The following FGD6 variants were observed in gnomAD, a reference collection of about 807,000 sequenced individuals.
The protein encoded by FGD6 is FYVE, RhoGEF and PH domain containing 6.
Under a neutral mutation model 149.4 loss-of-function variants are expected in FGD6, and 90 were observed. The observed-to-expected ratio is 0.60, with a 90% CI of 0.51 to 0.72. The LOEUF (loss-of-function observed/expected upper bound fraction) is 0.72. Ranked by LOEUF, FGD6 falls within the 30% of genes least tolerant of loss-of-function variation. The probability of loss-of-function intolerance (pLI) is 0.00; values close to 1 mark genes in which losing one functional copy is unlikely to be tolerated. For synonymous variants in FGD6, 527 were observed against 584.0 expected, an observed-to-expected ratio of 0.90 and a Z score of 1.41; for missense variants, 1,437 against 1,684.8, an observed-to-expected ratio of 0.85 and a Z score of 2.57.
chr12:95,113,274 C>G (rs1242326868), intron 9 of FGD6, among the ~76,000 whole-genome samples: 3 of 150,540 alleles, frequency 2.0e-5, no homozygotes, highest in African/African-American at 7.4e-5. Context: ...GCTCTGTCGC[C>G]CAGGCTGGAG....
intron 8 of FGD6, among the ~76,000 whole-genome samples, chr12:95,118,348 CAA>C (rs758125277): frequency 1.1e-4 from 13 of 122,248 alleles, no homozygotes; most frequent in Non-Finnish European, 1.2e-4. Context: ...GACTCTGTCT[CAA>C]AAAAAAAAAA....
chr12:95,198,847 G>A lies in FGD6; in HGVS notation c.2441+9996C>T, dbSNP rs529972753. ...GAGGTGGAGTAAAAACTGGATTGAT[G>A]GGGAGTCAGTTTGGGGGAAGAAAGT... On this transcript the variant is annotated intron_variant, in intron 2 of 20. Coordinates refer to ENST00000343958, the MANE Select transcript of FGD6 (RefSeq NM_018351.4). Among the ~76,000 whole-genome samples the A allele has an allele frequency of 7.9e-5, 12 of 152,292 alleles. No homozygotes were observed. The South Asian group carries it at 2.1e-3, about 26-fold the overall frequency.
intron 3 of FGD6, among the ~76,000 whole-genome samples, chr12:95,154,504 G>C (rs1484935764): frequency 1.3e-5 from 2 of 152,124 alleles, no homozygotes; most frequent in Non-Finnish European, 2.9e-5. Flanking sequence ...GAACACTACA[G>C]TTCCACAGTA....
rs188379747 is a variant in FGD6 at position 95,167,776 on chromosome 12, T to C, written c.2586+4824A>G. On this transcript the variant is annotated intron_variant, in intron 3 of 20. Coordinates refer to ENST00000343958, the MANE Select transcript of FGD6 (RefSeq NM_018351.4). Reference sequence around the variant, plus strand: ...TTTTAGTAGAGATGGGATTTCACCATGTTGGCCAGACTGGTATCGAACTCC... The same window carrying C: ...TTTTAGTAGAGATGGGATTTCACCACGTTGGCCAGACTGGTATCGAACTCC... Among the ~76,000 whole-genome samples, 458 of 152,168 alleles carry C rather than the reference T, an allele frequency of 3.0e-3. 2 individuals are homozygous for C. Among genetic ancestry groups the C allele is most frequent in the African/African-American group, 0.01 (427 of 41,510 alleles).
intron 13 of FGD6, 30 bp downstream of exon 13, chr12:95,106,902 CAAAACAAAACAAAACAAAACAA>C: frequency 1.5e-6 from 2 of 1,290,568 alleles, no homozygotes; most frequent in African/African-American, 3.0e-5. Context: ...TCAAACAAAA[CAAAACAAAACAAAACAAAACAA>C]AAAACAAAAC....
At chr12:95,176,138 T>G (rs1231454188) in intron 2 of FGD6, among the ~76,000 whole-genome samples, 1 of 152,214 alleles carries the variant, frequency 6.6e-6, no homozygotes, top group African/African-American at 2.4e-5. Context: ...GGTCTTGCTG[T>G]GTTGCCCAGG....
intron 8 of FGD6, among the ~76,000 whole-genome samples, chr12:95,123,472 A>G (rs1879250080): frequency 6.6e-6 from 1 of 152,104 alleles, no homozygotes; most frequent in Admixed American, 6.6e-5. Flanking sequence ...CTCATGATAG[A>G]TGGTATCTCC....
chr12:95,112,079 T>A (rs1457787172), intron 9 of FGD6, among the ~76,000 whole-genome samples: 1 of 148,880 alleles, frequency 6.7e-6, no homozygotes, highest in Non-Finnish European at 1.5e-5. Context: ...ACAAAAAATA[T>A]AAAAATTAGC....
chr12:95,089,774 G>C, intron 17 of FGD6, 78 bp from the exon 18 acceptor site: 1 of 1,545,770 alleles, frequency 6.5e-7, no homozygotes. Context: ...CATAAACACT[G>C]TTGCATAAAA....
At position 95,094,506 on chromosome 12, in the gene FGD6, A is replaced by C. The variant is rs1366363879; in HGVS notation, c.3600+86T>G. 7.1e-6 allele frequency: 6 copies of C among 846,276 alleles called. No homozygotes were observed. In the East Asian group the frequency reaches 1.5e-4, roughly 21 times the overall value. 52.4% of individuals were successfully genotyped at this position (846,276 alleles called of 1,614,324 possible). ...CCAGTCCAATCATTTTCTGAAACACATGTTGCTTTCTTAAACCCCTGTGAA... is the reference window on the plus strand; with the variant it reads ...CCAGTCCAATCATTTTCTGAAACACCTGTTGCTTTCTTAAACCCCTGTGAA... On this transcript the variant is annotated intron_variant, in intron 15 of 20. Coordinates refer to ENST00000343958, the MANE Select transcript of FGD6 (RefSeq NM_018351.4).
At chr12:95,108,740 C>G (rs965556987) in intron 9 of FGD6, among the ~76,000 whole-genome samples, 179 bp from the exon 10 acceptor site, 5 of 152,004 alleles carry the variant, frequency 3.3e-5, no homozygotes, top group Non-Finnish European at 5.9e-5. Flanking sequence ...CAAACCAAAC[C>G]AAACAACACC....
chr12:95,183,729 CTGGGAGGATGAGA>C (rs1322485810), intron 2 of FGD6, among the ~76,000 whole-genome samples: 1 of 152,068 alleles, frequency 6.6e-6, no homozygotes. Context: ...TCCCAGCTAC[CTGGGAGGATGAGA>C]TGGGAGGATG....
At chr12:95,167,550 G>A (rs1029836804) in intron 3 of FGD6, among the ~76,000 whole-genome samples, 10 of 150,262 alleles carry the variant, frequency 6.7e-5, no homozygotes, top group Non-Finnish European at 1.0e-4. Context: ...TCTTAAGCCT[G>A]GGTGATTGAT....
intron 8 of FGD6, among the ~76,000 whole-genome samples, chr12:95,118,361 A>AAAAGAG (rs777482762): frequency 8.6e-6 from 1 of 116,220 alleles, no homozygotes; most frequent in Non-Finnish European, 1.8e-5. Flanking sequence ...AAAAAAAAAA[A>AAAAGAG]AGAAAGAGAG....
intron 13 of FGD6, among the ~76,000 whole-genome samples, chr12:95,106,240 G>T (rs374271424): frequency 6.6e-6 from 1 of 150,444 alleles, no homozygotes; most frequent in African/African-American, 2.4e-5. Flanking sequence ...GGGACTACAG[G>T]TGTGAGCCAC....
chr12:95,105,692 T>C (rs762992877), intron 13 of FGD6, among the ~76,000 whole-genome samples: 1 of 152,234 alleles, frequency 6.6e-6, no homozygotes, highest in Non-Finnish European at 1.5e-5. Flanking sequence ...AATACATTAA[T>C]GCATGAGTGA....
At chr12:95,137,027 C>A (rs1374429625) in intron 7 of FGD6, among the ~76,000 whole-genome samples, 1 of 152,144 alleles carries the variant, frequency 6.6e-6, no homozygotes, top group Non-Finnish European at 1.5e-5. Context: ...CCTGTAATCC[C>A]AGCACTTTGG....
intron 2 of FGD6, among the ~76,000 whole-genome samples, chr12:95,183,109 T>G (rs970755319): frequency 6.6e-6 from 1 of 152,224 alleles, no homozygotes; most frequent in Non-Finnish European, 1.5e-5. Flanking sequence ...ATGCTCTGCC[T>G]TGACATCTGG....
chr12:95,169,248 T>C (rs1231468237), intron 3 of FGD6, among the ~76,000 whole-genome samples: 2 of 152,130 alleles, frequency 1.3e-5, no homozygotes, highest in Non-Finnish European at 2.9e-5. Context: ...CAATTTATTG[T>C]ATATTTTAAA....
Sources: gnomAD v4.1 joint callset for allele counts (sites outside exome capture counted in the v4.1 genomes callset) on GRCh38, gnomAD v4.1.1 for gene constraint, MANE v1.5 for transcripts, NCBI Gene and HGNC (gene_info 2026-07-23, HGNC 2026-07-21) for gene names.